ASIC2: variants seen among roughly 807,000 people sequenced by gnomAD.
The protein encoded by ASIC2 is acid-sensing ion channel 2.
In ASIC2, 25 loss-of-function variants were observed where a neutral mutation model predicts 57.3. The ratio of observed to expected loss-of-function variants is 0.44; its 90% CI spans 0.32 to 0.61. The LOEUF is 0.61. Among genes scored for constraint, ASIC2 ranks in the 20% least tolerant of loss-of-function variants. The pLI is 0.06. For synonymous variants in ASIC2, 319 were observed against 307.5 expected (o/e 1.04, Z -0.39); for missense variants, 641 against 738.1 (o/e 0.87, Z 1.52).
Position 33,028,373 on chromosome 17 carries a change from G to T in ASIC2, c.1007C>A (p.Pro336Gln). 1 of 1,614,116 alleles carries T rather than the reference G, an allele frequency of 6.2e-7. No individual in the cohort carries two copies. The highest frequency in any genetic ancestry group is 8.5e-7 in the Non-Finnish European group (1 of 1,180,014). ...CTCTGAGGATCGGCACTCACCCCAC[G>T]GTGGGGGCAGGTATGTGAGCTGCAA... ...QEQRLTYLPP[P>Q]WGECRSSEMG... The change falls in exon 4 of 10, where the codon CCG (proline) becomes CAG (glutamine). Residue 336 changes from proline to glutamine, a missense_variant. Around this residue, in one of 3 missense-constraint regions of ASIC2, gnomAD observed 252 missense variants for 319.8 expected, o/e 0.79. Coordinates refer to ENST00000225823, the MANE Select transcript of ASIC2 (RefSeq NM_183377.2).
intron 1 of ASIC2, among the ~76,000 whole-genome samples, chr17:33,561,362 T>C (rs1396605176): frequency 6.6e-6 from 1 of 152,188 alleles, no homozygotes; most frequent in Non-Finnish European, 1.5e-5. Context: ...TGATCTAACA[T>C]AGAACTGATA....
chr17:33,633,054 C>T lies in ASIC2; in HGVS notation c.556-520987G>A, dbSNP rs1906225821. ...TGTGTGGGTTCCAGCACAAAGCCTC[C>T]TCCCCTAGAAACATCAGGCTGAGTG... is the stretch of plus-strand genomic sequence containing the variant. On this transcript the variant is annotated intron_variant, in intron 1 of 9. Coordinates refer to the ASIC2 transcript ENST00000359872. 2.0e-5 allele frequency among the ~76,000 whole-genome samples: 3 copies of T among 152,206 alleles called. No homozygotes were observed. In the South Asian group the frequency reaches 6.2e-4, roughly 31 times the overall value.
At chr17:33,141,536 C>T (rs1567760288) in intron 1 of ASIC2, among the ~76,000 whole-genome samples, 1 of 152,132 alleles carries the variant, frequency 6.6e-6, no homozygotes, top group Non-Finnish European at 1.5e-5. Flanking sequence ...TAAGCTACAC[C>T]CGGTGACAGG....
In ASIC2 at chr17:33,292,181, G is replaced by T; in HGVS notation, c.-66C>A. 1 of 1,014,104 alleles carries T rather than the reference G, an allele frequency of 9.9e-7. No homozygotes were observed. Among genetic ancestry groups the T allele is most frequent in the African/African-American group, 1.7e-5 (1 of 57,474 alleles). The allele number at this position is 1,014,104 out of a possible 1,614,324, so 62.8% of individuals were successfully genotyped here. A position where few individuals can be genotyped will look rare whatever the true frequency, so the allele number is the denominator to read the frequency against. ...CCGGGCGGAGCCGCCATGGGAGTCC[G>T]CAGCAGCAGTGGAAGCAGCAGCAGC... On this transcript the variant is annotated 5_prime_UTR_variant, in exon 1 of 10. The change creates a premature stop within an existing upstream ORF in the 5' untranslated region. Transcript: ENST00000225823.
At chr17:33,981,439 G>T (rs1426499957) in intron 1 of ASIC2, among the ~76,000 whole-genome samples, 1 of 152,206 alleles carries the variant, frequency 6.6e-6, no homozygotes, top group Non-Finnish European at 1.5e-5. Flanking sequence ...CAATGATTTG[G>T]TGAAGTGGGT....
chr17:33,854,925 C>T (rs970622971), intron 1 of ASIC2, among the ~76,000 whole-genome samples: 2 of 152,138 alleles, frequency 1.3e-5, no homozygotes, highest in Non-Finnish European at 2.9e-5. Context: ...TCTCCAGTTT[C>T]CTCTGGTTGC....
At chr17:33,417,171 T>C (rs912571282) in intron 1 of ASIC2, among the ~76,000 whole-genome samples, 17 of 152,072 alleles carry the variant, frequency 1.1e-4, no homozygotes, top group Non-Finnish European at 5.9e-5. Flanking sequence ...GACTAGGGTG[T>C]TGAATGGAAG....
intron 1 of ASIC2, among the ~76,000 whole-genome samples, chr17:33,655,619 C>T (rs1244862875): frequency 1.3e-5 from 2 of 152,196 alleles, no homozygotes; most frequent in Non-Finnish European, 2.9e-5. Flanking sequence ...TCCAGGAGGC[C>T]CTGTCCCTTA....
At chr17:33,527,365 T>A (rs1914915553) in intron 1 of ASIC2, among the ~76,000 whole-genome samples, 1 of 152,182 alleles carries the variant, frequency 6.6e-6, no homozygotes. Context: ...ACCAAGTGAC[T>A]CTTACCAGAA....
intron 1 of ASIC2, among the ~76,000 whole-genome samples, chr17:33,785,922 G>A (rs189599279): frequency 9.2e-5 from 14 of 152,292 alleles, no homozygotes; most frequent in East Asian, 1.9e-4. Flanking sequence ...TGGAATCTGC[G>A]TCGGCTGCTT....
intron 1 of ASIC2, among the ~76,000 whole-genome samples, chr17:34,021,265 A>G (rs946338265): frequency 6.6e-6 from 1 of 152,016 alleles, no homozygotes; most frequent in African/African-American, 2.4e-5. Context: ...AAAAAAAAAA[A>G]ATAGACTACT....
chr17:33,276,959 C>T (rs774022605), intron 1 of ASIC2, among the ~76,000 whole-genome samples: 39 of 152,280 alleles, frequency 2.6e-4, no homozygotes, highest in South Asian at 6.2e-4. Context: ...GCTTTTGCCT[C>T]CAGACTTGTA....
intron 1 of ASIC2, among the ~76,000 whole-genome samples, chr17:33,784,304 G>A (rs986717858): frequency 2.0e-5 from 3 of 152,192 alleles, no homozygotes; most frequent in South Asian, 2.1e-4. Flanking sequence ...GCATGTACGC[G>A]GAAATACAAA....
intron 1 of ASIC2, among the ~76,000 whole-genome samples, chr17:33,174,146 G>C (rs1235327579): frequency 2.0e-5 from 3 of 152,164 alleles, no homozygotes; most frequent in Non-Finnish European, 2.9e-5. Flanking sequence ...ATGGGGCCAG[G>C]CACGGTGGTT....
chr17:33,116,241 T>C (rs1253105922), intron 1 of ASIC2, among the ~76,000 whole-genome samples: 1 of 152,208 alleles, frequency 6.6e-6, no homozygotes, highest in Non-Finnish European at 1.5e-5. Flanking sequence ...TTTCAGAGGA[T>C]TATTTTCCTC....
intron 2 of ASIC2, among the ~76,000 whole-genome samples, chr17:33,105,464 A>C (rs957810060): frequency 2.0e-5 from 3 of 152,206 alleles, no homozygotes; most frequent in Non-Finnish European, 4.4e-5. Context: ...TTTATTTATG[A>C]ATTACCCAGT....
chr17:33,089,970 T>C (rs767161866), intron 2 of ASIC2, among the ~76,000 whole-genome samples: 2 of 152,200 alleles, frequency 1.3e-5, no homozygotes, highest in Non-Finnish European at 2.9e-5. Context: ...CTGTCTTGTC[T>C]TCTCCAAACA....
chr17:34,016,115 C>A (rs1906944210), intron 1 of ASIC2, among the ~76,000 whole-genome samples: 1 of 152,122 alleles, frequency 6.6e-6, no homozygotes, highest in Non-Finnish European at 1.5e-5. Flanking sequence ...TATGTATATT[C>A]AGGATTAGAA....
chr17:33,564,033 C>T (rs189315263), intron 1 of ASIC2, among the ~76,000 whole-genome samples: 1 of 152,332 alleles, frequency 6.6e-6, no homozygotes, highest in East Asian at 1.9e-4. Context: ...GAACCAGGAG[C>T]TCCCTGCAGG....
Sources: allele counts gnomAD v4.1 joint callset (sites outside exome capture counted in the v4.1 genomes callset), GRCh38; gene constraint gnomAD v4.1.1; regional missense constraint gnomAD v4.1.1; transcripts MANE v1.5; gene names NCBI Gene and HGNC (gene_info 2026-07-23, HGNC 2026-07-21).